Variants in NECTIN2 observed in about 807,000 individuals in gnomAD.
NECTIN2 encodes nectin-2.
Under a neutral mutation model 56.9 loss-of-function variants are expected in NECTIN2, and 23 were observed. The observed-to-expected ratio is 0.40, with a 90% CI of 0.29 to 0.57. NECTIN2 has a LOEUF of 0.57. Ranked by LOEUF, NECTIN2 falls within the 20% of genes least tolerant of loss-of-function variation. The pLI is 0.38. For missense variants in NECTIN2, 587 were observed against 718.3 expected (o/e 0.82, Z 2.09); for synonymous variants, 302 against 313.8 (o/e 0.96, Z 0.40).
chr19:44,869,358 C>T (rs896287237), intron 2 of NECTIN2, among the ~76,000 whole-genome samples: 3 of 151,764 alleles, frequency 2.0e-5, no homozygotes, highest in African/African-American at 4.8e-5. Context: ...TTTGGGAGGC[C>T]GAGGCAGGCG....
At chr19:44,867,483 G>A (rs747811242) in intron 2 of NECTIN2, among the ~76,000 whole-genome samples, 12 of 152,242 alleles carry the variant, frequency 7.9e-5, no homozygotes, top group Non-Finnish European at 1.3e-4. Context: ...AAGAGAGCGA[G>A]ACCCTGTCTT....
At position 44,873,432 on chromosome 19, in the gene NECTIN2, G is replaced by A. The variant is rs910077912; in HGVS notation, c.776-484G>A. 3.3e-5 allele frequency among the ~76,000 whole-genome samples: 5 copies of A among 152,160 alleles called. No individual in the cohort carries two copies. The East Asian group carries it at 5.8e-4, about 18-fold the overall frequency. On this transcript the variant is annotated intron_variant, in intron 3 of 8. Transcript: ENST00000252483. ...CAGATCACTTGAGGTCAGGAGTTCGGGACTAGCCTGGGCAACATGGTGAAA... is the reference window on the plus strand; with the variant it reads ...CAGATCACTTGAGGTCAGGAGTTCGAGACTAGCCTGGGCAACATGGTGAAA...
At chr19:44,852,378 A>C (rs557293140) in intron 1 of NECTIN2, among the ~76,000 whole-genome samples, 374 of 151,296 alleles carry the variant, frequency 2.5e-3, no homozygotes, top group Non-Finnish European at 3.9e-3. Context: ...TCCTGAGCTC[A>C]GGTGAGCCAC....
intron 5 of NECTIN2, chr19:44,878,806 C>A: frequency 7.2e-7 from 1 of 1,388,550 alleles, no homozygotes; most frequent in Admixed American, 3.1e-5. Flanking sequence ...GTCTCTAGGG[C>A]TGCATGGGGA....
Position 44,888,173 on chromosome 19 carries a change from G to A in NECTIN2, c.1411G>A (p.Ala471Thr), listed in dbSNP as rs1399083620. 6.2e-7 allele frequency: 1 copy of A among 1,614,172 alleles called. No individual in the cohort carries two copies. Among genetic ancestry groups the A allele is most frequent in the South Asian group, 1.1e-5 (1 of 91,084 alleles). Residue 471 changes from alanine to threonine, a missense_variant, in exon 9 of 9, where the codon GCC becomes ACC. Physicochemically the swap from Ala to Thr is moderately conservative, Grantham distance 58. Coordinates refer to ENST00000252483, the MANE Select transcript of NECTIN2 (RefSeq NM_001042724.2). ...ACGGTCAGGACCCTTGCACCCTGGA[G>A]CCACAAGCCTGGGGTCCCCCATCCC... ...EERSGPLHPG[A>T]TSLGSPIPVP...
Position 44,875,435 on chromosome 19 carries a change from T to A in NECTIN2, c.1042+957T>A, listed in dbSNP as rs1248136087. Reference sequence around the variant, plus strand: ...CGCTCACCACCAAACCCGGCTAAGTTTTGTATTTTTAGTAGAGACAGGGTT... The same window carrying A: ...CGCTCACCACCAAACCCGGCTAAGTATTGTATTTTTAGTAGAGACAGGGTT... On this transcript the variant is annotated intron_variant, in intron 5 of 8. Transcript: ENST00000252483. This position sits in a 1 kb window ranked among gnomAD's most constrained non-coding sequence, Gnocchi z 4.2. Among the ~76,000 whole-genome samples, 1 of 152,060 alleles carries A rather than the reference T, an allele frequency of 6.6e-6. No individual in the cohort carries two copies. Among genetic ancestry groups the A allele is most frequent in the Non-Finnish European group, 1.5e-5 (1 of 68,016 alleles).
At chr19:44,854,063 G>T (rs188653740) in intron 1 of NECTIN2, among the ~76,000 whole-genome samples, 17 of 151,604 alleles carry the variant, frequency 1.1e-4, no homozygotes, top group Middle Eastern at 3.4e-3. Flanking sequence ...GAGTATCTCG[G>T]GGTAAAAGAA....
rs1477038954 is a variant in NECTIN2 at position 44,888,262 on chromosome 19, G to A, written c.1500G>A (p.Glu500=). 4 of 1,613,982 alleles carry A rather than the reference G, an allele frequency of 2.5e-6. No homozygotes were observed. In the East Asian group the frequency reaches 6.7e-5, roughly 27 times the overall value. Residue 500 remains glutamate, a synonymous_variant, in exon 9 of 9, where the codon GAG becomes GAA. Coordinates refer to ENST00000252483, the MANE Select transcript of NECTIN2 (RefSeq NM_001042724.2). ...TGGATCTAGAGGATGAGGAGGGGGA[G>A]GAGGAGGAAGAGTATCTGGACAAGA... is the stretch of plus-strand genomic sequence containing the variant. The part of the protein sequence containing the change: ...VSLDLEDEEG[E]EEEEYLDKIN...
chr19:44,858,770 G>C (rs1314701548), intron 1 of NECTIN2, among the ~76,000 whole-genome samples: 1 of 151,918 alleles, frequency 6.6e-6, no homozygotes, highest in Non-Finnish European at 1.5e-5. Context: ...AGCCTCCTGA[G>C]TAGCTGGGAT....
intron 1 of NECTIN2, among the ~76,000 whole-genome samples, chr19:44,854,056 T>A (rs1170099678): frequency 6.7e-6 from 1 of 148,418 alleles, no homozygotes; most frequent in Non-Finnish European, 1.5e-5. Flanking sequence ...TGAGGTGGAG[T>A]ATCTCGGGGT....
chr19:44,868,254 C>T (rs1009873128), intron 2 of NECTIN2, among the ~76,000 whole-genome samples: 3 of 150,700 alleles, frequency 2.0e-5, no homozygotes, highest in African/African-American at 7.3e-5. Flanking sequence ...TCCCAGCTAC[C>T]CAAGAGGCTG....
chr19:44,882,772 G>A (rs10420036), intron 6 of NECTIN2, among the ~76,000 whole-genome samples: 8,664 of 126,718 alleles, frequency 0.068, 575 homozygotes, highest in African/African-American at 0.18. Context: ...CGGAGCCCAG[G>A]ATCCTACTAC....
At chr19:44,848,626 T>C (rs968452824) in intron 1 of NECTIN2, among the ~76,000 whole-genome samples, 1 of 150,708 alleles carries the variant, frequency 6.6e-6, no homozygotes, top group Non-Finnish European at 1.5e-5. Context: ...CCTTCGCCTC[T>C]GCTGTCCACT....
chr19:44,870,377 G>A (rs997876459), intron 2 of NECTIN2, among the ~76,000 whole-genome samples: 5 of 152,132 alleles, frequency 3.3e-5, no homozygotes, highest in African/African-American at 9.7e-5. Context: ...TGGGAAGGGA[G>A]AGCTGGGAAG....
intron 1 of NECTIN2, among the ~76,000 whole-genome samples, chr19:44,856,747 T>C (rs1465469343): frequency 6.6e-6 from 1 of 151,082 alleles, no homozygotes; most frequent in Non-Finnish European, 1.5e-5. Context: ...GGGAGGGGGG[T>C]GATGTCCTTC....
At chr19:44,884,988 C>T (rs907680554) in intron 6 of NECTIN2, among the ~76,000 whole-genome samples, 2 of 151,828 alleles carry the variant, frequency 1.3e-5, no homozygotes, top group Non-Finnish European at 2.9e-5. Context: ...TTTTTCTTTT[C>T]TTTTCTTTTC....
Position 44,865,202 on chromosome 19 carries a change from T to C in NECTIN2, c.89-69T>C, listed in dbSNP as rs1969083378. On this transcript the variant is annotated intron_variant, in intron 1 of 8. Transcript: ENST00000252483. This position sits in a 1 kb window ranked among gnomAD's most constrained non-coding sequence, Gnocchi z 5.2. ...ATTTCCCGTGGGGCCCCCTTCGTGGTGGCCCTGCCTGGAGGTGTCTGGGTC... is the reference window on the plus strand; with the variant it reads ...ATTTCCCGTGGGGCCCCCTTCGTGGCGGCCCTGCCTGGAGGTGTCTGGGTC... 41 of 1,464,914 alleles carry C rather than the reference T, an allele frequency of 2.8e-5. 1 individual carries two copies. In the South Asian group the frequency reaches 5.4e-4, roughly 19 times the overall value. The allele number at this position is 1,464,914 out of a possible 1,614,324, so 90.7% of individuals were successfully genotyped here. A position where few individuals can be genotyped will look rare whatever the true frequency, so the allele number is the denominator to read the frequency against.
chr19:44,877,667 G>A (rs1969254888), intron 5 of NECTIN2, among the ~76,000 whole-genome samples: 1 of 152,232 alleles, frequency 6.6e-6, no homozygotes, highest in Non-Finnish European at 1.5e-5. Context: ...AAACCCAGCT[G>A]TCCTCCCCCG....
intron 5 of NECTIN2, among the ~76,000 whole-genome samples, chr19:44,880,662 A>G (rs1259397443): frequency 4.8e-5 from 7 of 146,724 alleles, no homozygotes; most frequent in South Asian, 4.3e-4. Context: ...TGGTCTCCCT[A>G]TATTACCCAG....
Sources: gnomAD v4.1 joint callset for allele counts (sites outside exome capture counted in the v4.1 genomes callset) on GRCh38, gnomAD v4.1.1 for gene constraint, Gnocchi (gnomAD v3.1) non-coding constraint, MANE v1.5 for transcripts, NCBI Gene and HGNC (gene_info 2026-07-23, HGNC 2026-07-21) for gene names.